Variants in SELENOO observed in about 807,000 individuals in gnomAD.
The protein encoded by SELENOO is protein adenylyltransferase SelO, mitochondrial.
A neutral mutation model predicts 58.7 loss-of-function variants in SELENOO; 74 were observed. The observed-to-expected ratio is 1.26, with a 90% CI of 1.04 to 1.53. The LOEUF is 1.53. Ranked by LOEUF, SELENOO falls within the 40% of genes most tolerant of loss-of-function variation. The pLI, the probability that SELENOO is intolerant of heterozygous loss-of-function variation, is 0.00. For missense variants in SELENOO, 1,149 were observed against 970.0 expected (o/e 1.18, Z -2.45); for synonymous variants, 543 against 453.2 (o/e 1.20, Z -2.52).
intron 5 of SELENOO, among the ~76,000 whole-genome samples, chr22:50,211,588 T>C (rs574313457): frequency 6.6e-6 from 1 of 152,394 alleles, no homozygotes; most frequent in East Asian, 1.9e-4. Flanking sequence ...TATTGCATTT[T>C]ATCAAATGCT....
Position 50,210,220 on chromosome 22 carries a change from T to C in SELENOO, c.979T>C (p.Cys327Arg), listed in dbSNP as rs80029904. 33 of 1,613,068 alleles carry C rather than the reference T, an allele frequency of 2.0e-5. No individual in the cohort carries two copies. The East Asian group carries it at 6.0e-4, about 29-fold the overall frequency. Residue 327 changes from cysteine (C) to arginine (R), a missense_variant, in exon 4 of 9, where the codon TGT becomes CGT. Cys to Arg is a radical substitution (Grantham distance 180). Transcript: ENST00000380903. ...GGCGCGGATGGTGGCCGAGTGGCAG[T>C]GTGTGGGCTTCTGCCACGGCGTGCT... ...RTARMVAEWQ[C>R]VGFCHGVLNT...
At chr22:50,202,760 T>C (rs2064311240) in intron 1 of SELENOO, among the ~76,000 whole-genome samples, 1 of 152,328 alleles carries the variant, frequency 6.6e-6, no homozygotes, top group African/African-American at 2.4e-5. Flanking sequence ...GAATATATTT[T>C]CTCCTAAAAA....
At chr22:50,206,210 AGCT>A in intron 1 of SELENOO, 104 bp from the exon 2 acceptor site, 1 of 957,828 alleles carries the variant, frequency 1.0e-6, no homozygotes, top group South Asian at 1.5e-5. Flanking sequence ...GGGACGTGCA[AGCT>A]GCTCACGTTA....
chr22:50,210,145 C>T, intron 3 of SELENOO, 36 bp from the exon 4 acceptor site: 1 of 1,602,900 alleles, frequency 6.2e-7, no homozygotes, highest in Non-Finnish European at 8.5e-7. Context: ...CTGGGCAGGA[C>T]CCCGAGGAGG....
At chr22:50,203,363 G>T (rs778006278) in intron 1 of SELENOO, among the ~76,000 whole-genome samples, 1 of 152,172 alleles carries the variant, frequency 6.6e-6, no homozygotes, top group Non-Finnish European at 1.5e-5. Context: ...ATGACAGAGT[G>T]AGACCCTGTC....
intron 1 of SELENOO, among the ~76,000 whole-genome samples, chr22:50,202,632 T>A (rs1012521400): frequency 1.3e-5 from 2 of 152,154 alleles, no homozygotes; most frequent in East Asian, 3.8e-4. Flanking sequence ...TCATTTTTGG[T>A]GATATTTTAA....
intron 4 of SELENOO, 74 bp downstream of exon 4, chr22:50,210,385 C>T (rs2064360656): frequency 1.9e-6 from 3 of 1,553,114 alleles, no homozygotes; most frequent in South Asian, 1.1e-5. Context: ...ACCTGCTGCC[C>T]CCAGGCACTG....
At chr22:50,212,260 T>C (rs916485835) in intron 5 of SELENOO, among the ~76,000 whole-genome samples, 5 of 152,184 alleles carry the variant, frequency 3.3e-5, no homozygotes, top group African/African-American at 1.2e-4. Context: ...AGCCATCTGG[T>C]CCTGGGCTTT....
chr22:50,216,771 G>C lies in SELENOO; in HGVS notation c.1583G>C (p.Arg528Thr). The change falls in exon 7 of 9, where the codon AGG becomes ACG. Residue 528 changes from arginine to threonine, a missense_variant. Coordinates refer to ENST00000380903, the MANE Select transcript of SELENOO (RefSeq NM_031454.2). ...ALMGTRAGIA[R>T]ELERVEQQSR... ...ATGGGCACCCGGGCAGGCATCGCCA[G>C]GGAGCTGGAGCGTGTGGAGCAGCAG... 1 of 1,608,872 alleles carries C rather than the reference G, an allele frequency of 6.2e-7. No individual in the cohort carries two copies. Among genetic ancestry groups the C allele is most frequent in the South Asian group, 1.1e-5 (1 of 90,944 alleles).
At chr22:50,206,704 C>T (rs1244521019) in intron 2 of SELENOO, among the ~76,000 whole-genome samples, 184 bp downstream of exon 2, 1 of 152,234 alleles carries the variant, frequency 6.6e-6, no homozygotes, top group Non-Finnish European at 1.5e-5. Context: ...GCGTCACGCC[C>T]ACTGGGAGGG....
At position 50,217,379 on chromosome 22, in the gene SELENOO, C is replaced by A; in HGVS notation, c.*10C>A. On this transcript the variant is annotated 3_prime_UTR_variant, in exon 9 of 9. Transcript: ENST00000380903. ...GACATGATCTTCGTAACGGCCTCGGCACGCTCCACACCCCTGGAGTCTCCC... is the reference window on the plus strand; with the variant it reads ...GACATGATCTTCGTAACGGCCTCGGAACGCTCCACACCCCTGGAGTCTCCC... The A allele has an allele frequency of 6.2e-7, 1 of 1,612,296 alleles. No homozygotes were observed. The highest frequency in any genetic ancestry group is 8.5e-7 in the Non-Finnish European group (1 of 1,179,768).
chr22:50,214,803 G>A (rs1384231463), intron 5 of SELENOO, among the ~76,000 whole-genome samples: 1 of 152,178 alleles, frequency 6.6e-6, no homozygotes, highest in South Asian at 2.1e-4. Context: ...TTTAAGAGTC[G>A]CCTCAGCTCT....
chr22:50,202,520 G>T (rs1488421363), intron 1 of SELENOO, among the ~76,000 whole-genome samples: 2 of 151,946 alleles, frequency 1.3e-5, no homozygotes, highest in South Asian at 4.1e-4. Flanking sequence ...CCCTTGGAAC[G>T]TGGTGGAAAT....
intron 3 of SELENOO, 104 bp from the exon 4 acceptor site, chr22:50,210,077 C>A: frequency 3.6e-6 from 5 of 1,374,704 alleles, no homozygotes; most frequent in Non-Finnish European, 4.0e-6. Context: ...GAGTGAGAGC[C>A]ACTCAGCGAA....
intron 2 of SELENOO, among the ~76,000 whole-genome samples, chr22:50,206,893 G>C (rs2294400): frequency 0.059 from 3,327 of 56,110 alleles, 83 homozygotes; most frequent in East Asian, 0.22. Flanking sequence ...TGGTGCTTCT[G>C]GGGGGGAGGG....
chr22:50,216,973 GC>G lies in SELENOO; in HGVS notation c.1693del (p.Arg565GlyfsTer22). 1.2e-6 allele frequency: 2 copies of G among 1,607,970 alleles called. No homozygotes were observed. Among genetic ancestry groups the G allele is most frequent in the Non-Finnish European group, 1.7e-6 (2 of 1,177,808 alleles). On this transcript the variant is annotated frameshift_variant and splice_region_variant, in exon 8 of 9. Coordinates refer to ENST00000380903, the MANE Select transcript of SELENOO (RefSeq NM_031454.2). LOFTEE classifies it high-confidence loss of function. ...HWADWLQAYR[A>X]RLDKDLEGAG... ...TCCAGAGCCCGGATGTCATTCCAGA[GC>G]CCGGCTGGACAAGGACCTGGAAGGC...
intron 2 of SELENOO, among the ~76,000 whole-genome samples, chr22:50,206,825 G>A (rs960304603): frequency 1.3e-5 from 2 of 152,216 alleles, no homozygotes; most frequent in Non-Finnish European, 2.9e-5. Flanking sequence ...GAGCTGGTGT[G>A]TCTCAAAGCA....
intron 6 of SELENOO, among the ~76,000 whole-genome samples, chr22:50,216,431 A>T (rs1456244001): frequency 6.6e-6 from 1 of 152,060 alleles, no homozygotes; most frequent in East Asian, 1.9e-4. Flanking sequence ...GGAGGTGGAG[A>T]CTCTCCAGCA....
At chr22:50,212,324 A>T (rs2064376394) in intron 5 of SELENOO, among the ~76,000 whole-genome samples, 1 of 152,106 alleles carries the variant, frequency 6.6e-6, no homozygotes, top group South Asian at 2.1e-4. Context: ...GCCTTACCTC[A>T]ATTTAGATTT....
Sources: allele counts gnomAD v4.1 joint callset (sites outside exome capture counted in the v4.1 genomes callset), GRCh38; gene constraint gnomAD v4.1.1; transcripts MANE v1.5; gene names NCBI Gene and HGNC (gene_info 2026-07-23, HGNC 2026-07-21).